Variants in PCDHA5 observed in about 807,000 individuals in gnomAD.
PCDHA5 encodes protocadherin alpha-5.
PCDHA5 carries 43 observed loss-of-function variants against 61.6 expected under a neutral mutation model. The observed-to-expected ratio is 0.70, with a 90% CI of 0.55 to 0.90. PCDHA5 has a LOEUF of 0.90. PCDHA5 is among the 40% of genes least tolerant of loss of function. PCDHA5 has a pLI of 0.00. For missense variants in PCDHA5, 1,298 were observed against 1,222.7 expected (o/e 1.06, Z -0.92); for synonymous variants, 627 against 543.9 (o/e 1.15, Z -2.13).
At chr5:140,963,871 T>A (rs2095795562) in intron 1 of PCDHA5, among the ~76,000 whole-genome samples, 1 of 152,238 alleles carries the variant, frequency 6.6e-6, no homozygotes, top group Non-Finnish European at 1.5e-5. Context: ...GAGTTTTGCT[T>A]ACTATTGTTT....
chr5:140,948,889 AT>A (rs1263260325), intron 1 of PCDHA5, among the ~76,000 whole-genome samples: 2 of 151,468 alleles, frequency 1.3e-5, no homozygotes, highest in Non-Finnish European at 3.0e-5. Flanking sequence ...TCTCTTTTAG[AT>A]TTTAAGTGGA....
At chr5:140,835,869 G>C (rs781933371) in intron 1 of PCDHA5, 2 of 1,612,094 alleles carry the variant, frequency 1.2e-6, no homozygotes, top group Non-Finnish European at 8.5e-7. Context: ...CTCGCTGGTG[G>C]AGCTGCGGGT....
At chr5:140,955,522 C>A (rs1467341493) in intron 1 of PCDHA5, among the ~76,000 whole-genome samples, 5 of 152,180 alleles carry the variant, frequency 3.3e-5, no homozygotes, top group African/African-American at 1.2e-4. Context: ...GCTTTCCCTT[C>A]CACCATGATT....
rs1554128427 is a variant in PCDHA5 at position 140,822,071 on chromosome 5, C to G, written c.296C>G (p.Ala99Gly). Residue 99 changes from alanine to glycine, a missense_variant, in exon 1 of 4, where the codon GCG (alanine) becomes GGG (glycine). Coordinates refer to ENST00000529859, the MANE Select transcript of PCDHA5 (RefSeq NM_018908.3). The part of the protein sequence containing the change: ...IDREELCRRR[A>G]ECSIHLEVIV... Reference sequence around the variant, plus strand: ...CGGGAGGAGCTGTGCCGGCGGAGGGCGGAGTGCAGCATCCACCTGGAGGTG... The same window carrying G: ...CGGGAGGAGCTGTGCCGGCGGAGGGGGGAGTGCAGCATCCACCTGGAGGTG... The G allele has an allele frequency of 6.2e-7, 1 of 1,614,192 alleles. No individual in the cohort carries two copies. Among genetic ancestry groups the G allele is most frequent in the Non-Finnish European group, 8.5e-7 (1 of 1,180,034 alleles).
intron 1 of PCDHA5, among the ~76,000 whole-genome samples, chr5:140,942,360 G>A (rs782168150): frequency 4.0e-5 from 6 of 151,816 alleles, no homozygotes; most frequent in Admixed American, 3.3e-4. Context: ...TGCAGTTAAC[G>A]GAGATTGCAC....
intron 1 of PCDHA5, among the ~76,000 whole-genome samples, chr5:140,943,312 A>G (rs1229555554): frequency 1.3e-5 from 2 of 150,890 alleles, no homozygotes; most frequent in African/African-American, 2.4e-5. Context: ...AGTCATTATT[A>G]GCAATATTGT....
chr5:140,891,430 A>G (rs1422502424), intron 1 of PCDHA5, among the ~76,000 whole-genome samples: 1 of 141,772 alleles, frequency 7.1e-6, no homozygotes, highest in Non-Finnish European at 1.5e-5. Flanking sequence ...CCAAGTCCCC[A>G]ACGTCCATTG....
chr5:140,823,093 G>A lies in PCDHA5; in HGVS notation c.1318G>A (p.Val440Met), dbSNP rs2150122208. 1 of 1,614,058 alleles carries A rather than the reference G, an allele frequency of 6.2e-7. No individual in the cohort carries two copies. The highest frequency in any genetic ancestry group is 1.1e-5 in the South Asian group (1 of 91,080). ...GSPSLWATAS[V>M]SVEVADVNDN... is the part of the protein sequence containing the mutation. Reference sequence around the variant, plus strand: ...GCCTTCGCTGTGGGCCACCGCCAGCGTGTCTGTGGAAGTGGCCGACGTGAA... The same window carrying A: ...GCCTTCGCTGTGGGCCACCGCCAGCATGTCTGTGGAAGTGGCCGACGTGAA... The change falls in exon 1 of 4, where the codon GTG (valine) becomes ATG (methionine). Residue 440 changes from valine to methionine, a missense_variant. Coordinates refer to ENST00000529859, the MANE Select transcript of PCDHA5 (RefSeq NM_018908.3).
chr5:140,869,363 A>G lies in PCDHA5; in HGVS notation c.2352+45236A>G, dbSNP rs1201912812. The G allele has an allele frequency of 9.3e-6, 15 of 1,614,010 alleles. No individual in the cohort carries two copies. In the Admixed American group the frequency reaches 2.5e-4, roughly 27 times the overall value. ...CTGCAGAATGGCATTTTGTTTGTGA[A>G]TTCTCGGATCGACCGCGAGGAGCTG... On this transcript the variant is annotated intron_variant, in intron 1 of 3. Coordinates refer to ENST00000529859, the MANE Select transcript of PCDHA5 (RefSeq NM_018908.3).
intron 1 of PCDHA5, chr5:140,841,595 C>A (rs2150318765): frequency 1.9e-6 from 3 of 1,614,058 alleles, no homozygotes; most frequent in Non-Finnish European, 2.5e-6. Flanking sequence ...TCGGATCGAC[C>A]GCGAGGAGCT....
Position 140,842,210 on chromosome 5 carries a change from C to T in PCDHA5, c.2352+18083C>T, listed in dbSNP as rs2150331831. ...GGTTATTGACCACTTTAGCATAGAT[C>T]GAAATACGGGAGAAATAGTGATTCG... is the stretch of plus-strand genomic sequence containing the variant. On this transcript the variant is annotated intron_variant, in intron 1 of 3. Transcript: ENST00000529859. 73 of 1,613,414 alleles carry T rather than the reference C, an allele frequency of 4.5e-5. 2 individuals are homozygous for T. The South Asian group carries it at 7.8e-4, about 17-fold the overall frequency.
chr5:140,981,489 G>A (rs1554242906), intron 2 of PCDHA5, among the ~76,000 whole-genome samples: 1 of 152,194 alleles, frequency 6.6e-6, no homozygotes, highest in Non-Finnish European at 1.5e-5. Flanking sequence ...CAGGAGAATT[G>A]CTTGAACCTG....
At chr5:140,943,688 G>A (rs2093547294) in intron 1 of PCDHA5, among the ~76,000 whole-genome samples, 1 of 152,170 alleles carries the variant, frequency 6.6e-6, no homozygotes. Context: ...AAGGGATAAG[G>A]TCAAAATATT....
intron 1 of PCDHA5, chr5:140,871,538 ATTATTTAAAATCCAGTTTTTT>A (rs2053161122): frequency 1.3e-5 from 20 of 1,507,314 alleles, no homozygotes; most frequent in Non-Finnish European, 1.8e-5. Context: ...TGTATGTGAA[ATTATTTAAAATCCAGTTTTTT>A]TTCACGGATT....
At chr5:140,840,377 TA>T (rs1239184910) in intron 1 of PCDHA5, among the ~76,000 whole-genome samples, 2 of 151,814 alleles carry the variant, frequency 1.3e-5, no homozygotes, top group Non-Finnish European at 2.9e-5. Context: ...AAAATGAAAA[TA>T]GGGGGTTGCA....
chr5:140,899,056 G>A (rs1370417194), intron 1 of PCDHA5, among the ~76,000 whole-genome samples: 1 of 152,062 alleles, frequency 6.6e-6, no homozygotes, highest in Non-Finnish European at 1.5e-5. Context: ...CTGAGACTTT[G>A]CTGAAGTTGC....
At chr5:140,937,386 G>T (rs1450799946) in intron 1 of PCDHA5, among the ~76,000 whole-genome samples, 2 of 152,092 alleles carry the variant, frequency 1.3e-5, no homozygotes, top group African/African-American at 4.8e-5. Context: ...GTGTGTATGT[G>T]TATATAGGGG....
intron 1 of PCDHA5, chr5:140,834,434 T>A: frequency 6.2e-7 from 1 of 1,610,706 alleles, no homozygotes; most frequent in Non-Finnish European, 8.5e-7. Context: ...TACTGCTGTT[T>A]ATTATAATTC....
chr5:140,829,627 G>C, intron 1 of PCDHA5: 1 of 1,612,248 alleles, frequency 6.2e-7, no homozygotes, highest in Non-Finnish European at 8.5e-7. Context: ...CGGTGCACGC[G>C]GAGAGCGGCA....
Sources: gnomAD v4.1 joint callset for allele counts (sites outside exome capture counted in the v4.1 genomes callset) on GRCh38, gnomAD v4.1.1 for gene constraint, MANE v1.5 for transcripts, NCBI Gene and HGNC (gene_info 2026-07-23, HGNC 2026-07-21) for gene names.